UAP1: variants seen among roughly 807,000 people sequenced by gnomAD.
UAP1 encodes UDP-N-acetylhexosamine pyrophosphorylase.
In UAP1, 25 loss-of-function variants were observed where a neutral mutation model predicts 58.5. The ratio of observed to expected loss-of-function variants is 0.43; its 90% CI spans 0.31 to 0.60. The LOEUF (loss-of-function observed/expected upper bound fraction) is 0.60. UAP1 is among the 20% of genes least tolerant of loss of function. The pLI, the probability that UAP1 is intolerant of heterozygous loss-of-function variation, is 0.11. For missense variants in UAP1, 575 were observed against 630.0 expected (o/e 0.91, Z 0.93); for synonymous variants, 208 against 213.0 (o/e 0.98, Z 0.21).
chr1:162,590,598 C>A, intron 8 of UAP1, 87 bp downstream of exon 8: 1 of 1,170,886 alleles, frequency 8.5e-7, no homozygotes, highest in Non-Finnish European at 1.2e-6. Context: ...CTCTGTATTC[C>A]TAGATCTTTT....
intron 9 of UAP1, among the ~76,000 whole-genome samples, chr1:162,596,153 A>G (rs1472239640): frequency 1.3e-5 from 2 of 151,874 alleles, no homozygotes; most frequent in Non-Finnish European, 2.9e-5. Flanking sequence ...ACACCCGGCC[A>G]CATTAATTAA....
chr1:162,579,280 T>C (rs1412418150), intron 3 of UAP1, 148 bp from the exon 4 acceptor site: 4 of 473,658 alleles, frequency 8.4e-6, no homozygotes, highest in Non-Finnish European at 1.0e-5. Flanking sequence ...AGCTAATGAA[T>C]GTGTCTTACC....
chr1:162,581,593 G>A (rs950840267), intron 5 of UAP1, 134 bp downstream of exon 5: 18 of 863,896 alleles, frequency 2.1e-5, no homozygotes, highest in South Asian at 4.9e-5. Context: ...GTAACTAAAC[G>A]GTCCCACACC....
chr1:162,582,775 C>G (rs10494371), intron 5 of UAP1, among the ~76,000 whole-genome samples: 17,198 of 152,122 alleles, frequency 0.11, 1,243 homozygotes, highest in Middle Eastern at 0.15. Context: ...GAAGATCTGC[C>G]AAAGAAGTTA....
intron 2 of UAP1, among the ~76,000 whole-genome samples, chr1:162,574,674 T>C (rs1654069007): frequency 6.6e-6 from 1 of 152,214 alleles, no homozygotes. Context: ...TTTATAGTTT[T>C]TCTAGCTTGC....
At chr1:162,581,405 A>G in exon 5 of UAP1, 1 of 1,614,136 alleles carries the variant, frequency 6.2e-7, no homozygotes, top group Non-Finnish European at 8.5e-7. Context: ...TAAAAGTGGC[A>G]GACCCACGGT....
chr1:162,592,252 T>C (rs2101832423), intron 8 of UAP1, among the ~76,000 whole-genome samples: 1 of 152,198 alleles, frequency 6.6e-6, no homozygotes, highest in South Asian at 2.1e-4. Flanking sequence ...TAGCTGGGCA[T>C]GGTAGCGCAT....
chr1:162,596,212 G>T (rs1334703027), intron 9 of UAP1, among the ~76,000 whole-genome samples: 1 of 151,598 alleles, frequency 6.6e-6, no homozygotes, highest in African/African-American at 2.4e-5. Flanking sequence ...GTCTCGCTCT[G>T]TCACCCCGGC....
At chr1:162,592,941 T>C (rs559282768) in intron 9 of UAP1, among the ~76,000 whole-genome samples, 159 bp downstream of exon 9, 3 of 152,302 alleles carry the variant, frequency 2.0e-5, no homozygotes, top group Admixed American at 2.0e-4. Flanking sequence ...CAGGTATCTC[T>C]CTGGATGACA....
rs190282336 is a variant in UAP1 at position 162,569,714 on chromosome 1, A to G, written c.280+3366A>G. On this transcript the variant is annotated intron_variant, in intron 2 of 10. Coordinates refer to ENST00000271469, the Ensembl canonical transcript of UAP1. ...TTTTTTGCCTATGAGACATTTTCCT[A>G]TTAATCATAATGGTGCTTCTCTACC... Among the ~76,000 whole-genome samples, 12 of 152,350 alleles carry G rather than the reference A, an allele frequency of 7.9e-5. No homozygotes were observed. In the East Asian group the frequency reaches 2.3e-3, roughly 29 times the overall value.
chr1:162,571,165 G>A (rs868245505), intron 2 of UAP1, among the ~76,000 whole-genome samples: 15 of 148,714 alleles, frequency 1.0e-4, no homozygotes, highest in African/African-American at 3.2e-4. Flanking sequence ...GTCTCACTCC[G>A]TTGCCCAGGC....
intron 5 of UAP1, among the ~76,000 whole-genome samples, chr1:162,584,935 A>G (rs906055892): frequency 1.3e-5 from 2 of 152,214 alleles, no homozygotes; most frequent in African/African-American, 2.4e-5. Flanking sequence ...TTGTAAAGCA[A>G]TTATAGTAAC....
chr1:162,584,358 A>G (rs74116767), intron 5 of UAP1, among the ~76,000 whole-genome samples: 1,681 of 152,382 alleles, frequency 0.011, 19 homozygotes, highest in African/African-American at 0.038. Context: ...AGCCGTTTAC[A>G]TAATTGCTCC....
At chr1:162,563,827 T>C (rs1033193207) in intron 1 of UAP1, among the ~76,000 whole-genome samples, 3 of 152,208 alleles carry the variant, frequency 2.0e-5, no homozygotes, top group African/African-American at 7.2e-5. Flanking sequence ...TTGACTATCT[T>C]GAAGGCATGT....
chr1:162,600,334 GTTA>G (rs1310799802), downstream of UAP1, among the ~76,000 whole-genome samples: 1 of 151,928 alleles, frequency 6.6e-6, no homozygotes, highest in Admixed American at 6.6e-5. Flanking sequence ...CCAGTTTTTT[GTTA>G]TTGTTGTTGT....
chr1:162,566,816 A>G (rs1571051935), intron 2 of UAP1, among the ~76,000 whole-genome samples: 1 of 151,986 alleles, frequency 6.6e-6, no homozygotes, highest in Non-Finnish European at 1.5e-5. Context: ...TAGTATAGAT[A>G]GGGTTTCGCC....
intron 5 of UAP1, among the ~76,000 whole-genome samples, chr1:162,586,716 A>G (rs1654925607): frequency 6.6e-6 from 1 of 152,164 alleles, no homozygotes; most frequent in Non-Finnish European, 1.5e-5. Context: ...GTTTTTAAAA[A>G]TTACATATTC....
At chr1:162,567,682 C>T (rs1653601500) in intron 2 of UAP1, among the ~76,000 whole-genome samples, 1 of 152,184 alleles carries the variant, frequency 6.6e-6, no homozygotes, top group Non-Finnish European at 1.5e-5. Flanking sequence ...CTTTTTAAGA[C>T]ATTATTTTAT....
intron 1 of UAP1, among the ~76,000 whole-genome samples, chr1:162,562,168 G>A (rs1406854409): frequency 6.6e-6 from 1 of 151,684 alleles, no homozygotes. Context: ...CTCCCGGGTG[G>A]GCAGTAGAGA....
Sources: allele counts gnomAD v4.1 joint callset (sites outside exome capture counted in the v4.1 genomes callset), GRCh38; gene constraint gnomAD v4.1.1; transcripts MANE v1.5; gene names NCBI Gene and HGNC (gene_info 2026-07-23, HGNC 2026-07-21).